Variants in SF3A1 observed in about 807,000 individuals in gnomAD.
The protein encoded by SF3A1 is splicing factor 3a subunit 1.
A neutral mutation model predicts 89.9 loss-of-function variants in SF3A1; 13 were observed. That is an observed-to-expected ratio of 0.14 (90% CI 0.09 to 0.23). The LOEUF is 0.23. Among genes scored for constraint, SF3A1 ranks in the 10% least tolerant of loss-of-function variants. SF3A1 has a pLI of 1.00. For synonymous variants in SF3A1, 405 were observed against 374.4 expected (o/e 1.08, Z -0.94); for missense variants, 604 against 1,022.1 (o/e 0.59, Z 5.58).
At chr22:30,340,550 C>A in intron 8 of SF3A1, 145 bp downstream of exon 8, 1 of 853,994 alleles carries the variant, frequency 1.2e-6, no homozygotes, top group Non-Finnish European at 1.9e-6. Flanking sequence ...CCTGTTCCCA[C>A]CATGAAACCT....
chr22:30,356,594 G>A (rs1931858764), intron 1 of SF3A1, 136 bp downstream of exon 1: 1 of 641,894 alleles, frequency 1.6e-6, no homozygotes, highest in Non-Finnish European at 2.3e-6. Context: ...CACCACCATA[G>A]CGCGGGAAGC....
intron 3 of SF3A1, 50 bp from the exon 4 acceptor site, chr22:30,345,240 C>T: frequency 4.5e-6 from 7 of 1,564,386 alleles, no homozygotes; most frequent in South Asian, 1.2e-5. Flanking sequence ...TGAACAGGCT[C>T]CAGGGGAGGG....
chr22:30,354,745 G>T (rs1401567045), intron 1 of SF3A1, among the ~76,000 whole-genome samples: 1 of 152,070 alleles, frequency 6.6e-6, no homozygotes, highest in Non-Finnish European at 1.5e-5. Flanking sequence ...CTCTTCCTCA[G>T]CTTCCACACT....
chr22:30,342,080 G>A, intron 6 of SF3A1, 120 bp downstream of exon 6: 2 of 1,282,990 alleles, frequency 1.6e-6, no homozygotes, highest in Non-Finnish European at 1.1e-6. Context: ...GAGCAGGGAG[G>A]AGACAGCACT....
intron 2 of SF3A1, among the ~76,000 whole-genome samples, chr22:30,351,168 G>A (rs8140562): frequency 0.1 from 15,528 of 152,114 alleles, 973 homozygotes; most frequent in East Asian, 0.18. Flanking sequence ...GCGTGGTGGC[G>A]CACGCCTGTT....
chr22:30,355,767 A>C (rs1931783563), intron 1 of SF3A1, among the ~76,000 whole-genome samples: 2 of 148,828 alleles, frequency 1.3e-5, no homozygotes, highest in East Asian at 4.0e-4. Flanking sequence ...CCAGGGACAC[A>C]CGGGCACTTA....
At chr22:30,351,978 A>C (rs1037693729) in intron 2 of SF3A1, among the ~76,000 whole-genome samples, 3 of 152,254 alleles carry the variant, frequency 2.0e-5, no homozygotes, top group Admixed American at 6.5e-5. Context: ...TAAGGATGTG[A>C]GGGTAAGTAC....
At chr22:30,339,283 G>C (rs1210996954) in intron 9 of SF3A1, 32 bp from the exon 10 acceptor site, 1 of 1,611,532 alleles carries the variant, frequency 6.2e-7, no homozygotes, top group Non-Finnish European at 8.5e-7. Context: ...GCAGAGGATA[G>C]AAAGAGAAAA....
intron 2 of SF3A1, among the ~76,000 whole-genome samples, chr22:30,349,373 C>T (rs565021171): frequency 7.9e-5 from 12 of 152,320 alleles, no homozygotes; most frequent in Middle Eastern, 3.4e-3. Context: ...CTCTGCCTCC[C>T]GGGTTCAAAC....
At position 30,340,328 on chromosome 22, in the gene SF3A1, T is replaced by G; in HGVS notation, c.1243A>C (p.Ile415Leu). 6.2e-7 allele frequency: 1 copy of G among 1,612,368 alleles called. No homozygotes were observed. The highest frequency in any genetic ancestry group is 8.5e-7 in the Non-Finnish European group (1 of 1,179,548). ...CTGGCGGGGATCTTCTCCCCAGTAA[T>G]GGGGGACACAAGATACTCATCTGGA... ...PAPDEYLVSP[I>L]TGEKIPASKM... The change falls in exon 9 of 16, where the codon ATT (isoleucine) becomes CTT (leucine). Residue 415 changes from isoleucine to leucine, a missense_variant. Ile to Leu is a conservative substitution (Grantham distance 5). Coordinates refer to ENST00000215793, the MANE Select transcript of SF3A1 (RefSeq NM_005877.6).
chr22:30,339,678 C>T (rs558036127), intron 9 of SF3A1, among the ~76,000 whole-genome samples: 20 of 152,276 alleles, frequency 1.3e-4, no homozygotes, highest in East Asian at 1.9e-4. Flanking sequence ...ACTGCTTGAA[C>T]GTGAGAGGCG....
chr22:30,336,666 T>A (rs535312547), intron 13 of SF3A1, among the ~76,000 whole-genome samples: 1 of 152,172 alleles, frequency 6.6e-6, no homozygotes, highest in East Asian at 1.9e-4. Context: ...AAGGCCACAG[T>A]AAATTTTAAA....
chr22:30,355,819 C>CG (rs200363807), intron 1 of SF3A1, among the ~76,000 whole-genome samples: 1 of 107,962 alleles, frequency 9.3e-6, no homozygotes, highest in Non-Finnish European at 1.8e-5. Flanking sequence ...TCATGTTCCC[C>CG]CCCCCCGCCC....
intron 2 of SF3A1, among the ~76,000 whole-genome samples, chr22:30,350,180 G>C (rs1005765057): frequency 6.6e-6 from 1 of 152,012 alleles, no homozygotes; most frequent in African/African-American, 2.4e-5. Context: ...GAACAGGCCA[G>C]GTGCGGTGGT....
chr22:30,338,747 G>T (rs779467003), intron 11 of SF3A1, 42 bp downstream of exon 11: 67 of 1,612,052 alleles, frequency 4.2e-5, no homozygotes, highest in Non-Finnish European at 5.5e-5. Flanking sequence ...CCTCAAGAAT[G>T]AAGCTCTAAA....
At chr22:30,355,821 C>CCG (rs1555980864) in intron 1 of SF3A1, among the ~76,000 whole-genome samples, 13 of 111,360 alleles carry the variant, frequency 1.2e-4, no homozygotes, top group South Asian at 3.9e-4. Context: ...ATGTTCCCCC[C>CCG]CCCCGCCCCC....
chr22:30,337,091 T>C lies in SF3A1; in HGVS notation c.2041A>G (p.Thr681Ala), dbSNP rs762653777. ...TCCTCTGTCTTCAGTTTTTTGGAGGTGGGCTCATCTTCCATGGGAGGTGGG... is the reference window on the plus strand; with the variant it reads ...TCCTCTGTCTTCAGTTTTTTGGAGGCGGGCTCATCTTCCATGGGAGGTGGG... Reference protein sequence around the residue: ...HPPPPMEDEPTSKKLKTEDSL... With the variant: ...HPPPPMEDEPASKKLKTEDSL... The change falls in exon 13 of 16, where the codon ACC becomes GCC. Residue 681 changes from threonine to alanine, a missense_variant. By Grantham distance (58) the Thr-to-Ala change is moderately conservative. This residue lies in a region of SF3A1 where 74 missense variants were observed against 141.3 expected (regional missense o/e 0.52). Transcript: ENST00000215793. 1 of 1,614,014 alleles carries C rather than the reference T, an allele frequency of 6.2e-7. No individual in the cohort carries two copies. The highest frequency in any genetic ancestry group is 1.1e-5 in the South Asian group (1 of 91,080).
chr22:30,346,033 T>C (rs866240550), intron 3 of SF3A1, among the ~76,000 whole-genome samples: 2 of 151,808 alleles, frequency 1.3e-5, no homozygotes, highest in South Asian at 2.1e-4. Context: ...AAATCACACG[T>C]CCCCCAACTC....
chr22:30,337,658 A>T (rs1184755191), intron 12 of SF3A1, 32 bp downstream of exon 12: 2 of 986,974 alleles, frequency 2.0e-6, no homozygotes, highest in African/African-American at 1.8e-5. Context: ...CCCTGAACTA[A>T]TGGCCTGGAA....
Sources: gnomAD v4.1 joint callset for allele counts (sites outside exome capture counted in the v4.1 genomes callset) on GRCh38, gnomAD v4.1.1 for gene constraint, gnomAD v4.1.1 regional missense constraint, MANE v1.5 for transcripts, NCBI Gene and HGNC (gene_info 2026-07-23, HGNC 2026-07-21) for gene names.